Variants in EYA2 observed in about 807,000 individuals in gnomAD.
EYA2 encodes protein phosphatase EYA2.
In EYA2, 31 loss-of-function variants were observed where a neutral mutation model predicts 69.2. That is an observed-to-expected ratio of 0.45 (90% CI 0.34 to 0.60). The LOEUF is 0.60. Among genes scored for constraint, EYA2 ranks in the 20% least tolerant of loss-of-function variants. EYA2 has a pLI of 0.02. For synonymous variants in EYA2, 257 were observed against 279.4 expected (o/e 0.92, Z 0.80); for missense variants, 622 against 701.2 (o/e 0.89, Z 1.28).
intron 9 of EYA2, among the ~76,000 whole-genome samples, chr20:47,139,618 C>T (rs2033552544): frequency 6.6e-6 from 1 of 152,034 alleles, no homozygotes; most frequent in African/African-American, 2.4e-5. Flanking sequence ...TTAGTGGAGA[C>T]GGGGTTTCTC....
intron 1 of EYA2, among the ~76,000 whole-genome samples, chr20:46,905,728 G>A (rs1984319564): frequency 6.6e-6 from 1 of 152,168 alleles, no homozygotes; most frequent in African/African-American, 2.4e-5. Context: ...CCAACCTGCT[G>A]TGTGTCTTCG....
intron 2 of EYA2, among the ~76,000 whole-genome samples, chr20:47,000,122 C>T (rs1331387316): frequency 6.6e-6 from 1 of 152,194 alleles, no homozygotes; most frequent in Non-Finnish European, 1.5e-5. Context: ...GTGCCTACAG[C>T]TGTTCATCTG....
intron 10 of EYA2, among the ~76,000 whole-genome samples, chr20:47,155,172 T>A (rs2146620284): frequency 6.6e-6 from 1 of 151,992 alleles, no homozygotes; most frequent in East Asian, 2.0e-4. Flanking sequence ...TTTCATGTCT[T>A]TGTAAGATGA....
Position 47,172,723 on chromosome 20 carries a change from G to A in EYA2, c.1054G>A (p.Ala352Thr), listed in dbSNP as rs543356505. 14 of 1,612,878 alleles carry A rather than the reference G, an allele frequency of 8.7e-6. No homozygotes were observed. The East Asian group carries it at 8.9e-5, about 10-fold the overall frequency. Residue 352 changes from alanine to threonine, a missense_variant, in exon 12 of 16, where the codon GCT becomes ACT. This residue lies in a region of EYA2 where 257 missense variants were observed against 351.5 expected (regional missense o/e 0.73). Transcript: ENST00000327619. ...GQDLSTYNFS[A>T]DGFHSSAPGA... ...TCTCCGCAGCACATACAACTTCTCC[G>A]CTGACGGCTTCCACAGTTCGGCCCC...
chr20:47,031,943 C>T (rs1466219790), intron 5 of EYA2, among the ~76,000 whole-genome samples: 3 of 152,206 alleles, frequency 2.0e-5, no homozygotes, highest in Non-Finnish European at 4.4e-5. Flanking sequence ...CCTGCTAATT[C>T]CTTAGAGATA....
rs2030458365 is a variant in EYA2 at position 47,053,704 on chromosome 20, C to T, written c.416-18481C>T. ...AAAAAAAAGAGTAAGATTCTTCTAT[C>T]TCCCAAGAACCAATCATCACCCAAG... On this transcript the variant is annotated intron_variant, in intron 5 of 15. Transcript: ENST00000327619. Among the ~76,000 whole-genome samples, 3 of 148,890 alleles carry T rather than the reference C, an allele frequency of 2.0e-5. No homozygotes were observed. In the East Asian group the frequency reaches 6.1e-4, roughly 30 times the overall value.
chr20:46,920,286 G>T (rs1467176007), intron 1 of EYA2, among the ~76,000 whole-genome samples: 1 of 151,460 alleles, frequency 6.6e-6, no homozygotes, highest in African/African-American at 2.4e-5. Flanking sequence ...AATAAAACGA[G>T]GTCTTCCTGT....
At chr20:47,140,956 T>C (rs1337182314) in intron 9 of EYA2, among the ~76,000 whole-genome samples, 3 of 152,134 alleles carry the variant, frequency 2.0e-5, no homozygotes, top group Admixed American at 6.5e-5. Context: ...ACTCACACTC[T>C]TGGAAACTAA....
chr20:46,960,086 C>T (rs1057078937), intron 1 of EYA2, among the ~76,000 whole-genome samples: 1 of 152,232 alleles, frequency 6.6e-6, no homozygotes, highest in Non-Finnish European at 1.5e-5. Flanking sequence ...GCTCAGGGCA[C>T]CACGTCATGC....
intron 11 of EYA2, among the ~76,000 whole-genome samples, chr20:47,170,172 T>C (rs1440421929): frequency 1.3e-5 from 2 of 151,166 alleles, no homozygotes; most frequent in African/African-American, 2.4e-5. Flanking sequence ...CCTCCCAGAG[T>C]GCTGGGGTTA....
intron 10 of EYA2, among the ~76,000 whole-genome samples, chr20:47,167,741 T>C (rs2034231143): frequency 6.6e-6 from 1 of 152,154 alleles, no homozygotes; most frequent in Admixed American, 6.5e-5. Flanking sequence ...TGATTCCATT[T>C]AGGGCCCACC....
chr20:46,958,056 G>A (rs1428395205), intron 1 of EYA2, among the ~76,000 whole-genome samples: 2 of 152,068 alleles, frequency 1.3e-5, no homozygotes, highest in African/African-American at 2.4e-5. Context: ...AAAGTTGATC[G>A]CTAAGACTTA....
At chr20:47,161,259 G>A (rs909730924) in intron 10 of EYA2, 2 of 536,128 alleles carry the variant, frequency 3.7e-6, no homozygotes, top group Admixed American at 2.4e-5. Flanking sequence ...AGCTAGCCCA[G>A]GATGATGGCC....
At chr20:47,114,122 GTGTGA>G (rs1358567160) in intron 9 of EYA2, among the ~76,000 whole-genome samples, 1 of 152,204 alleles carries the variant, frequency 6.6e-6, no homozygotes, top group African/African-American at 2.4e-5. Context: ...ACACCTGTTG[GTGTGA>G]TGGCTACAGA....
intron 2 of EYA2, among the ~76,000 whole-genome samples, chr20:46,990,466 G>A (rs1981584333): frequency 6.6e-6 from 1 of 152,202 alleles, no homozygotes; most frequent in Non-Finnish European, 1.5e-5. Flanking sequence ...TCTGAGCTCT[G>A]TCCTCTCTAC....
chr20:47,007,753 C>G (rs1394322656), intron 4 of EYA2, among the ~76,000 whole-genome samples: 2 of 152,010 alleles, frequency 1.3e-5, no homozygotes, highest in Non-Finnish European at 2.9e-5. Context: ...GTAGCTGGGA[C>G]TACAGGCACG....
At chr20:47,102,222 A>G (rs1201644694) in intron 9 of EYA2, among the ~76,000 whole-genome samples, 7 of 152,234 alleles carry the variant, frequency 4.6e-5, no homozygotes, top group South Asian at 2.1e-4. Context: ...GTTAATGCCA[A>G]TGTCCCAAAC....
At chr20:47,001,765 TTTC>T (rs1396099868) in intron 3 of EYA2, among the ~76,000 whole-genome samples, 5 of 148,324 alleles carry the variant, frequency 3.4e-5, no homozygotes, top group Non-Finnish European at 6.0e-5. Flanking sequence ...TAGCTATTAT[TTTC>T]TTCTTTCTTC....
intron 1 of EYA2, among the ~76,000 whole-genome samples, chr20:46,977,429 C>G (rs150492550): frequency 8.7e-4 from 133 of 152,294 alleles, no homozygotes; most frequent in African/African-American, 2.8e-3. Context: ...GATAGCAAAT[C>G]CCACTCTGAA....
Sources: gnomAD v4.1 joint callset for allele counts (sites outside exome capture counted in the v4.1 genomes callset) on GRCh38, gnomAD v4.1.1 for gene constraint, gnomAD v4.1.1 regional missense constraint, MANE v1.5 for transcripts, NCBI Gene and HGNC (gene_info 2026-07-23, HGNC 2026-07-21) for gene names.